Variants in CFAP299 observed in about 807,000 individuals in gnomAD.
CFAP299 encodes cilia- and flagella-associated protein 299.
CFAP299 carries 21 observed loss-of-function variants against 27.0 expected under a neutral mutation model. The ratio of observed to expected loss-of-function variants is 0.78; its 90% CI spans 0.55 to 1.12. The LOEUF (loss-of-function observed/expected upper bound fraction) is 1.12, where lower values mean the gene tolerates loss of function less well. Ranked by LOEUF, CFAP299 falls within the 50% of genes most tolerant of loss-of-function variation. The pLI, the probability that CFAP299 is intolerant of heterozygous loss-of-function variation, is 0.00. For synonymous variants in CFAP299, 104 were observed against 98.1 expected (o/e 1.06, Z -0.36); for missense variants, 310 against 276.6 (o/e 1.12, Z -0.86).
At chr4:80,821,015 C>A (rs1315181612) in intron 3 of CFAP299, among the ~76,000 whole-genome samples, 1 of 152,112 alleles carries the variant, frequency 6.6e-6, no homozygotes, top group Non-Finnish European at 1.5e-5. Flanking sequence ...GTGTAGTGAA[C>A]TGGGTCCAGA....
rs189229019 is a variant in CFAP299, at chr4:80,560,870, C to T, written c.243-22223C>T. On this transcript the variant is annotated intron_variant, in intron 2 of 5. Transcript: ENST00000358105. ...CTCCTGGATGGTGTTTCTGGACCCA[C>T]GTGGGTCCTGTGGGACCTCGCCACC... is the stretch of plus-strand genomic sequence containing the variant. 1.2e-3 allele frequency among the ~76,000 whole-genome samples: 182 copies of T among 152,244 alleles called. 1 individual carries two copies. The highest frequency in any genetic ancestry group is 4.1e-3 in the African/African-American group (172 of 41,564).
chr4:80,778,254 C>A (rs756025650), intron 3 of CFAP299, among the ~76,000 whole-genome samples: 8 of 152,084 alleles, frequency 5.3e-5, no homozygotes, highest in Non-Finnish European at 8.8e-5. Flanking sequence ...TATTTAGATA[C>A]TGCCTATGCA....
intron 2 of CFAP299, among the ~76,000 whole-genome samples, chr4:80,542,139 C>T (rs887697064): frequency 6.6e-6 from 1 of 152,144 alleles, no homozygotes; most frequent in Non-Finnish European, 1.5e-5. Context: ...CCTTTGGACT[C>T]TGGGACTTGC....
chr4:80,537,247 G>A (rs945269547), intron 2 of CFAP299, among the ~76,000 whole-genome samples: 1 of 151,916 alleles, frequency 6.6e-6, no homozygotes, highest in Non-Finnish European at 1.5e-5. Flanking sequence ...GAATATAAAT[G>A]GGTACAGCCA....
At chr4:80,425,960 A>G (rs755852346) in intron 2 of CFAP299, among the ~76,000 whole-genome samples, 50 of 152,170 alleles carry the variant, frequency 3.3e-4, no homozygotes, top group Non-Finnish European at 1.2e-4. Context: ...ATGCATATGT[A>G]TGTGTTTGAA....
At chr4:80,692,850 G>A (rs1236452567) in intron 3 of CFAP299, among the ~76,000 whole-genome samples, 4 of 151,824 alleles carry the variant, frequency 2.6e-5, no homozygotes, top group Non-Finnish European at 1.5e-5. Flanking sequence ...AAATTTACAA[G>A]AAAAAAACAA....
chr4:80,654,372 A>G (rs903697005), intron 3 of CFAP299, among the ~76,000 whole-genome samples: 14 of 152,182 alleles, frequency 9.2e-5, no homozygotes, highest in Non-Finnish European at 1.6e-4. Context: ...TGTTGCTCCA[A>G]TGTCTGGATA....
intron 1 of CFAP299, among the ~76,000 whole-genome samples, chr4:80,359,453 C>T (rs1395314938): frequency 6.6e-6 from 1 of 152,148 alleles, no homozygotes; most frequent in East Asian, 1.9e-4. Flanking sequence ...TTCAGGGACA[C>T]CAATGAGTCC....
At chr4:80,793,039 G>A (rs1476870562) in intron 3 of CFAP299, among the ~76,000 whole-genome samples, 2 of 151,730 alleles carry the variant, frequency 1.3e-5, no homozygotes, top group East Asian at 3.9e-4. Context: ...AAATTTTAAA[G>A]TACATGTGTT....
chr4:80,685,509 A>G (rs763173569), intron 3 of CFAP299, among the ~76,000 whole-genome samples: 1 of 151,956 alleles, frequency 6.6e-6, no homozygotes. Flanking sequence ...CAAAAACTCT[A>G]TAGGTCAAGT....
At chr4:80,817,785 C>A (rs1729497088) in intron 3 of CFAP299, among the ~76,000 whole-genome samples, 2 of 150,154 alleles carry the variant, frequency 1.3e-5, no homozygotes, top group South Asian at 2.1e-4. Context: ...TTTTAACTTT[C>A]TCCTTGTGGC....
chr4:80,468,662 C>G (rs1396618459), intron 2 of CFAP299, among the ~76,000 whole-genome samples: 4 of 151,204 alleles, frequency 2.6e-5, no homozygotes, highest in Non-Finnish European at 5.9e-5. Context: ...TGGTGAAACC[C>G]CATCTCTACT....
chr4:80,493,136 T>C (rs1359595571), intron 2 of CFAP299, among the ~76,000 whole-genome samples: 1 of 152,210 alleles, frequency 6.6e-6, no homozygotes, highest in Non-Finnish European at 1.5e-5. Flanking sequence ...AAGGTGTATA[T>C]AATAGTTATA....
intron 3 of CFAP299, among the ~76,000 whole-genome samples, chr4:80,738,736 G>A (rs1402461307): frequency 1.3e-5 from 2 of 150,958 alleles, no homozygotes; most frequent in African/African-American, 2.4e-5. Context: ...TAAATTCAAT[G>A]TTATTTTTAA....
upstream of CFAP299, among the ~76,000 whole-genome samples, chr4:80,335,082 CTTTA>C (rs1418301913): frequency 3.9e-5 from 6 of 152,130 alleles, no homozygotes; most frequent in South Asian, 2.1e-4. Context: ...TAGTGAAAGA[CTTTA>C]TTTAATAAGA....
At chr4:80,530,860 G>A (rs185670070) in intron 2 of CFAP299, among the ~76,000 whole-genome samples, 3 of 152,292 alleles carry the variant, frequency 2.0e-5, no homozygotes, top group African/African-American at 7.2e-5. Context: ...TGTGCTTCAA[G>A]GAGTCCTAGC....
At chr4:80,579,376 T>G (rs552031811) in intron 2 of CFAP299, among the ~76,000 whole-genome samples, 1 of 152,310 alleles carries the variant, frequency 6.6e-6, no homozygotes, top group East Asian at 1.9e-4. Flanking sequence ...AGAAATGTGG[T>G]CTTTATTCCA....
intron 2 of CFAP299, among the ~76,000 whole-genome samples, chr4:80,483,001 T>G (rs1037445148): frequency 1.3e-5 from 2 of 152,188 alleles, no homozygotes; most frequent in African/African-American, 4.8e-5. Context: ...TTACCTTACA[T>G]AGCAAAACGG....
intron 1 of CFAP299, among the ~76,000 whole-genome samples, chr4:80,337,398 ATTTT>A (rs1330672953): frequency 7.0e-6 from 1 of 142,762 alleles, no homozygotes; most frequent in Admixed American, 7.0e-5. Flanking sequence ...ATCAATCAGA[ATTTT>A]TTTTTTTTTT....
Sources: allele counts gnomAD v4.1 joint callset (sites outside exome capture counted in the v4.1 genomes callset), GRCh38; gene constraint gnomAD v4.1.1; transcripts MANE v1.5; gene names NCBI Gene and HGNC (gene_info 2026-07-23, HGNC 2026-07-21).